Variants in PIAS1 observed in about 807,000 individuals in gnomAD.
The protein encoded by PIAS1 is E3 SUMO-protein ligase PIAS1.
In PIAS1, 6 loss-of-function variants were observed where a neutral mutation model predicts 71.3. That is an observed-to-expected ratio of 0.08 (90% CI 0.05 to 0.17). PIAS1 has a LOEUF of 0.17. Ranked by LOEUF, PIAS1 falls within the 10% of genes least tolerant of loss-of-function variation. PIAS1 has a pLI of 1.00. For synonymous variants in PIAS1, 303 were observed against 292.9 expected, an observed-to-expected ratio of 1.03 and a Z score of -0.35; for missense variants, 555 against 793.6, an observed-to-expected ratio of 0.70 and a Z score of 3.61.
intron 2 of PIAS1, among the ~76,000 whole-genome samples, chr15:68,087,253 G>A (rs2092291755): frequency 6.6e-6 from 1 of 151,920 alleles, no homozygotes; most frequent in African/African-American, 2.4e-5. Flanking sequence ...ATGCTTTACA[G>A]GCATGCACAT....
intron 4 of PIAS1, among the ~76,000 whole-genome samples, chr15:68,143,717 A>C (rs1473446221): frequency 6.6e-6 from 1 of 152,088 alleles, no homozygotes; most frequent in African/African-American, 2.4e-5. Flanking sequence ...CTGATACTTG[A>C]CATTATCCTT....
At chr15:68,158,373 C>A (rs1291009470) in intron 7 of PIAS1, among the ~76,000 whole-genome samples, 1 of 152,146 alleles carries the variant, frequency 6.6e-6, no homozygotes, top group Non-Finnish European at 1.5e-5. Context: ...CAAAACTCCC[C>A]TGCTGCCTTC....
At chr15:68,056,333 C>G (rs2091895783) in intron 1 of PIAS1, among the ~76,000 whole-genome samples, 2 of 152,204 alleles carry the variant, frequency 1.3e-5, no homozygotes, top group African/African-American at 2.4e-5. Flanking sequence ...TGTTCTTTCT[C>G]ATTTTAAGAA....
At chr15:68,177,278 C>CA (rs3083984) in intron 11 of PIAS1, among the ~76,000 whole-genome samples, 21,923 of 90,778 alleles carry the variant, frequency 0.24, 2,839 homozygotes, top group South Asian at 0.3. Context: ...GACTTTGTCT[C>CA]AAAAAAAAAA....
chr15:68,158,022 C>T (rs565407985), intron 7 of PIAS1, among the ~76,000 whole-genome samples: 81 of 152,282 alleles, frequency 5.3e-4, no homozygotes, highest in African/African-American at 1.7e-3. Flanking sequence ...CTCTCCTTGA[C>T]GCCTTTTTCT....
intron 1 of PIAS1, among the ~76,000 whole-genome samples, chr15:68,059,536 C>T (rs928925373): frequency 6.6e-6 from 1 of 151,102 alleles, no homozygotes; most frequent in African/African-American, 2.4e-5. Flanking sequence ...ATAGTGAAAC[C>T]CCGTCTCTAC....
chr15:68,086,602 A>C lies in PIAS1; in HGVS notation c.321A>C (p.Pro107=). 1.2e-6 allele frequency: 2 copies of C among 1,613,884 alleles called. No individual in the cohort carries two copies. The highest frequency in any genetic ancestry group is 1.7e-6 in the Non-Finnish European group (2 of 1,179,858). Residue 107 remains proline (P), a synonymous_variant, in exon 2 of 14, where the codon CCA becomes CCC. Transcript: ENST00000249636. This position sits in a 1 kb window ranked among gnomAD's most constrained non-coding sequence, Gnocchi z 7.2. Reference sequence around the variant, plus strand: ...ACGATGGTCACCCTGCATCATCGCCATTACTCCCTGTTTCTCTTCTGGGAC... The same window carrying C: ...ACGATGGTCACCCTGCATCATCGCCCTTACTCCCTGTTTCTCTTCTGGGAC... ...LTYDGHPASS[P]LLPVSLLGPK...
At chr15:68,068,152 T>C (rs2092049443) in intron 1 of PIAS1, among the ~76,000 whole-genome samples, 1 of 152,134 alleles carries the variant, frequency 6.6e-6, no homozygotes, top group African/African-American at 2.4e-5. Flanking sequence ...GTGTGCAGAT[T>C]GCTTGAGTGC....
chr15:68,086,774 T>C lies in PIAS1; in HGVS notation c.469+24T>C, dbSNP rs1260796205. 2.0e-6 allele frequency: 3 copies of C among 1,465,358 alleles called. No homozygotes were observed. The highest frequency in any genetic ancestry group is 1.8e-5 in the Admixed American group (1 of 55,738). The allele number at this position is 1,465,358 out of a possible 1,614,324, so 90.8% of individuals were successfully genotyped here. On this transcript the variant is annotated intron_variant, in intron 2 of 13. Coordinates refer to ENST00000249636, the MANE Select transcript of PIAS1 (RefSeq NM_016166.3). This position sits in a 1 kb window ranked among gnomAD's most constrained non-coding sequence, Gnocchi z 7.2. ...AGGTAAGATTATTGTATGATAGTAT[T>C]TGGTTACTTTTGCAGGATGAATTTT...
Position 68,173,900 on chromosome 15 carries a change from A to T in PIAS1, c.1169+8A>T. 6.8e-7 allele frequency: 1 copy of T among 1,480,330 alleles called. No homozygotes were observed. The highest frequency in any genetic ancestry group is 9.1e-7 in the Non-Finnish European group (1 of 1,099,154). 91.7% of individuals were successfully genotyped at this position (1,480,330 alleles called of 1,614,324 possible). ...ACACCTTATTATTGATGGGTATGTT[A>T]CTTTAAGTGTTTTTGGTACCTTGAA... On this transcript the variant is annotated splice_region_variant and intron_variant, in intron 9 of 13. Transcript: ENST00000249636. The surrounding 1 kb of genome is among the most constrained non-coding windows in gnomAD (Gnocchi z 4.3).
At chr15:68,069,535 G>C (rs1417174308) in intron 1 of PIAS1, among the ~76,000 whole-genome samples, 1 of 152,152 alleles carries the variant, frequency 6.6e-6, no homozygotes, top group Admixed American at 6.5e-5. Flanking sequence ...GGGCACGGTG[G>C]CTCATGCCTG....
intron 2 of PIAS1, chr15:68,087,906 C>T: frequency 3.2e-6 from 1 of 317,152 alleles, no homozygotes; most frequent in Non-Finnish European, 6.5e-6. Flanking sequence ...TTTTGTATCA[C>T]ATTATTTTAT....
intron 4 of PIAS1, among the ~76,000 whole-genome samples, chr15:68,144,550 C>T (rs1014452481): frequency 3.9e-5 from 6 of 152,082 alleles, no homozygotes; most frequent in Admixed American, 3.3e-4. Flanking sequence ...GTTCAGGCAG[C>T]CAGGGTCCAT....
intron 7 of PIAS1, among the ~76,000 whole-genome samples, chr15:68,156,911 A>G (rs2092894071): frequency 6.6e-6 from 1 of 152,184 alleles, no homozygotes; most frequent in Non-Finnish European, 1.5e-5. Context: ...AAAGGAAGGC[A>G]AGGCTAATGC....
At position 68,134,563 on chromosome 15, in the gene PIAS1, C is replaced by T. The variant is rs1259661992; in HGVS notation, c.470-7383C>T. ...GGGGATCCTCACTTCCCAGTAGGGGCGGCCGGGCAGAGGCGCCCCCCACCC... is the reference window on the plus strand; with the variant it reads ...GGGGATCCTCACTTCCCAGTAGGGGTGGCCGGGCAGAGGCGCCCCCCACCC... On this transcript the variant is annotated intron_variant, in intron 2 of 13. Coordinates refer to ENST00000249636, the MANE Select transcript of PIAS1 (RefSeq NM_016166.3). 3.2e-4 allele frequency among the ~76,000 whole-genome samples: 14 copies of T among 44,086 alleles called. 1 individual carries two copies. Among genetic ancestry groups the T allele is most frequent in the South Asian group, 6.6e-4 (1 of 1,504 alleles). 28.9% of individuals were successfully genotyped at this position (44,086 alleles called of 152,430 possible). A position where few individuals can be genotyped will look rare whatever the true frequency, so the allele number is the denominator to read the frequency against.
At chr15:68,137,757 A>G (rs1057119654) in intron 2 of PIAS1, among the ~76,000 whole-genome samples, 2 of 152,246 alleles carry the variant, frequency 1.3e-5, no homozygotes, top group African/African-American at 4.8e-5. Context: ...ATTAACTACT[A>G]GAAAGTAGTT....
At chr15:68,070,069 A>G (rs2140963996) in intron 1 of PIAS1, among the ~76,000 whole-genome samples, 1 of 152,268 alleles carries the variant, frequency 6.6e-6, no homozygotes, top group Non-Finnish European at 1.5e-5. Context: ...AGCAAGGAAA[A>G]GATATGAAAG....
At chr15:68,079,379 A>G (rs1005038880) in intron 1 of PIAS1, among the ~76,000 whole-genome samples, 10 of 152,152 alleles carry the variant, frequency 6.6e-5, no homozygotes, top group African/African-American at 2.4e-4. Flanking sequence ...TAAGAGCCAT[A>G]TTTTCCCACC....
chr15:68,152,429 T>G (rs142543095), intron 6 of PIAS1, among the ~76,000 whole-genome samples: 20 of 152,312 alleles, frequency 1.3e-4, no homozygotes, highest in African/African-American at 4.6e-4. Flanking sequence ...ATATTTTCTG[T>G]CAAAAGAGGG....
Sources: gnomAD v4.1 joint callset for allele counts (sites outside exome capture counted in the v4.1 genomes callset) on GRCh38, gnomAD v4.1.1 for gene constraint, Gnocchi (gnomAD v3.1) non-coding constraint, MANE v1.5 for transcripts, NCBI Gene and HGNC (gene_info 2026-07-23, HGNC 2026-07-21) for gene names.